PSMA6: variants seen among roughly 807,000 people sequenced by gnomAD.
The protein encoded by PSMA6 is proteasome 20S subunit alpha 6.
For missense variants in PSMA6, 170 were observed against 294.8 expected (o/e 0.58, Z 3.10); for synonymous variants, 88 against 97.7 (o/e 0.90, Z 0.59).
At position 35,312,925 on chromosome 14, in the gene PSMA6, T is replaced by C; in HGVS notation, c.454T>C (p.Tyr152His). The C allele has an allele frequency of 6.3e-7, 1 of 1,596,598 alleles. No individual in the cohort carries two copies. The highest frequency in any genetic ancestry group is 8.5e-7 in the Non-Finnish European group (1 of 1,173,904). Reference sequence around the variant, plus strand: ...AGATGAAGAGCAAGGCCCTCAGGTATATAAGTGTGATCCTGCAGGTTACTA... The same window carrying C: ...AGATGAAGAGCAAGGCCCTCAGGTACATAAGTGTGATCCTGCAGGTTACTA... ...GIDEEQGPQV[Y>H]KCDPAGYYCG... The change falls in exon 5 of 7, where the codon TAT becomes CAT. Residue 152 changes from tyrosine (Y) to histidine (H), a missense_variant. By Grantham distance (83) the Tyr-to-His change is moderately conservative. Transcript: ENST00000261479.
upstream of PSMA6, among the ~76,000 whole-genome samples, chr14:35,290,304 A>G (rs10132938): frequency 0.049 from 7,392 of 152,212 alleles, 264 homozygotes; most frequent in African/African-American, 0.097. Context: ...TAGGAATTAC[A>G]GTATACCAGG....
At chr14:35,297,933 T>C (rs776089988) in intron 1 of PSMA6, among the ~76,000 whole-genome samples, 2 of 152,136 alleles carry the variant, frequency 1.3e-5, no homozygotes, top group Admixed American at 6.5e-5. Flanking sequence ...AAATAAGATA[T>C]TACTATGGAA....
At chr14:35,292,804 A>T in intron 1 of PSMA6, 2 of 620,876 alleles carry the variant, frequency 3.2e-6, no homozygotes, top group Non-Finnish European at 5.5e-6. Context: ...GTTAAGGAAG[A>T]TAGGGCTGTA....
intron 1 of PSMA6, among the ~76,000 whole-genome samples, chr14:35,280,237 C>T (rs61988273): frequency 0.074 from 11,212 of 152,096 alleles, 543 homozygotes; most frequent in Non-Finnish European, 0.11. Flanking sequence ...GTCAGGAGTT[C>T]GAGACCAGGC....
intron 1 of PSMA6, among the ~76,000 whole-genome samples, chr14:35,298,429 G>A (rs1594381971): frequency 6.6e-6 from 1 of 151,940 alleles, no homozygotes; most frequent in Non-Finnish European, 1.5e-5. Context: ...GGTGGAGGTT[G>A]TAGTGAGCTG....
At chr14:35,301,753 A>G (rs185875025) in intron 1 of PSMA6, among the ~76,000 whole-genome samples, 1 of 152,262 alleles carries the variant, frequency 6.6e-6, no homozygotes, top group Non-Finnish European at 1.5e-5. Context: ...AATGTTTTTT[A>G]TTTTGTGAGA....
intron 1 of PSMA6, chr14:35,292,999 T>C (rs1566551706): frequency 1.1e-5 from 5 of 458,804 alleles, no homozygotes; most frequent in Admixed American, 4.7e-5. Flanking sequence ...AAGCCTGCTA[T>C]ATACCAGACA....
rs1377744283 is a variant in PSMA6 at position 35,292,452 on chromosome 14, T to C, written c.-25T>C. 1.2e-6 allele frequency: 2 copies of C among 1,606,748 alleles called. No individual in the cohort carries two copies. Among genetic ancestry groups the C allele is most frequent in the Admixed American group, 1.7e-5 (1 of 58,984 alleles). ...CGGGAGCTACGGGGCCCAGGGATTG[T>C]GTTTAAAGTAGTGCTTCTACCAACA... On this transcript the variant is annotated 5_prime_UTR_variant, in exon 1 of 7. Transcript: ENST00000261479.
chr14:35,315,259 G>A (rs2052023784), intron 6 of PSMA6: 1 of 152,116 alleles, frequency 6.6e-6, no homozygotes. Context: ...GTGGTGTGGG[G>A]TACGGGAGTG....
chr14:35,316,936 A>G (rs554723349), intron 6 of PSMA6: 3 of 245,788 alleles, frequency 1.2e-5, no homozygotes, highest in Admixed American at 1.0e-4. Context: ...AGCTTTATTT[A>G]TGTTATTCAA....
At chr14:35,290,460 A>G (rs1352062892), upstream of PSMA6, among the ~76,000 whole-genome samples, 1 of 152,204 alleles carries the variant, frequency 6.6e-6, no homozygotes, top group Non-Finnish European at 1.5e-5. Context: ...TTTGTGCCAG[A>G]GATGCTGTAT....
At chr14:35,287,109 C>G (rs1032983123) in intron 1 of PSMA6, among the ~76,000 whole-genome samples, 1 of 152,146 alleles carries the variant, frequency 6.6e-6, no homozygotes, top group African/African-American at 2.4e-5. Context: ...AGGTAGCCAA[C>G]CATAGCTACT....
At chr14:35,308,682 G>C (rs2051880120) in intron 2 of PSMA6, 1 of 422,172 alleles carries the variant, frequency 2.4e-6, no homozygotes. Flanking sequence ...TTAAGCTATT[G>C]CTTGTCCACA....
intron 1 of PSMA6, among the ~76,000 whole-genome samples, chr14:35,303,903 T>C (rs538556025): frequency 6.6e-6 from 1 of 151,630 alleles, no homozygotes; most frequent in Admixed American, 6.6e-5. Flanking sequence ...TAGAGATAAT[T>C]TCTTTCTTTT....
At chr14:35,292,296 G>C, upstream of PSMA6, 1 of 1,421,508 alleles carries the variant, frequency 7.0e-7, no homozygotes, top group South Asian at 1.5e-5. Flanking sequence ...CCCCTTAGGG[G>C]GCGGGGCCTC....
upstream of PSMA6, chr14:35,292,327 G>C (rs1323954626): frequency 6.1e-6 from 9 of 1,477,264 alleles, no homozygotes; most frequent in Non-Finnish European, 8.1e-6. Context: ...GCTCGAACTG[G>C]CTCCAGAGCC....
intron 4 of PSMA6, chr14:35,312,633 T>G (rs1254615705): frequency 4.6e-6 from 2 of 430,298 alleles, no homozygotes. Context: ...ATTTTTAAAT[T>G]GTATTTGTAA....
chr14:35,305,795 C>A (rs1237736644), intron 1 of PSMA6, among the ~76,000 whole-genome samples: 1 of 152,042 alleles, frequency 6.6e-6, no homozygotes, highest in Non-Finnish European at 1.5e-5. Context: ...GTTGCTTTTC[C>A]CCTGATTACA....
intron 1 of PSMA6, among the ~76,000 whole-genome samples, chr14:35,300,157 A>C (rs1379138559): frequency 6.6e-6 from 1 of 152,188 alleles, no homozygotes; most frequent in East Asian, 1.9e-4. Context: ...AAGTAAAATA[A>C]TAGGAGAGTT....
Sources: gnomAD v4.1 joint callset for allele counts (sites outside exome capture counted in the v4.1 genomes callset) on GRCh38, gnomAD v4.1.1 for gene constraint, MANE v1.5 for transcripts, NCBI Gene and HGNC (gene_info 2026-07-23, HGNC 2026-07-21) for gene names.